The following MTFR1 variants were observed in gnomAD, a reference collection of about 807,000 sequenced individuals.
The protein encoded by MTFR1 is chondrocyte protein with a poly-proline region.
A neutral mutation model predicts 38.8 loss-of-function variants in MTFR1; 28 were observed. The ratio of observed to expected loss-of-function variants is 0.72; its 90% CI spans 0.53 to 0.99. The LOEUF is 0.99. MTFR1 is among the 50% of genes least tolerant of loss of function. MTFR1 has a pLI of 0.00. For synonymous variants in MTFR1, 145 were observed against 137.0 expected (o/e 1.06, Z -0.41); for missense variants, 358 against 395.5 (o/e 0.91, Z 0.81).
chr8:65,737,079 G>A (rs1015791843), intron 3 of MTFR1, among the ~76,000 whole-genome samples: 1 of 151,864 alleles, frequency 6.6e-6, no homozygotes, highest in African/African-American at 2.4e-5. Context: ...CTGCATTCCA[G>A]CCTTAGCAAT....
chr8:65,708,876 A>AG, intron 7 of MTFR1, 100 bp from the exon 8 acceptor site: 1 of 1,187,064 alleles, frequency 8.4e-7, no homozygotes, highest in South Asian at 1.3e-5. Flanking sequence ...TTTTTCATGC[A>AG]GAACATACCC....
intron 7 of MTFR1, 72 bp from the exon 8 acceptor site, chr8:65,708,904 T>C (rs1270919927): frequency 1.1e-5 from 15 of 1,427,428 alleles, no homozygotes; most frequent in Non-Finnish European, 1.4e-5. Flanking sequence ...TAATCCATGA[T>C]TGGGAGGTGG....
chr8:65,747,505 T>C, intron 3 of MTFR1: 1 of 463,460 alleles, frequency 2.2e-6, no homozygotes. Flanking sequence ...AACAAACAGC[T>C]GCTCTAAAGA....
intron 3 of MTFR1, among the ~76,000 whole-genome samples, chr8:65,737,858 CTTATT>C (rs1405204699): frequency 3.9e-5 from 6 of 152,148 alleles, no homozygotes; most frequent in Admixed American, 6.5e-5. Flanking sequence ...AACATCTTAA[CTTATT>C]TTATAGTTCC....
At chr8:65,723,598 A>T (rs765514694) in intron 3 of MTFR1, 1 of 1,576,722 alleles carries the variant, frequency 6.3e-7, no homozygotes, top group Non-Finnish European at 8.6e-7. Context: ...CTCACACCCA[A>T]ATGATATTTT....
At chr8:65,731,824 A>G (rs953419789) in intron 3 of MTFR1, among the ~76,000 whole-genome samples, 4 of 152,168 alleles carry the variant, frequency 2.6e-5, no homozygotes, top group Admixed American at 1.3e-4. Flanking sequence ...CACAAAATAT[A>G]TATACTTAAG....
At chr8:65,702,606 T>G (rs1301251382) in intron 4 of MTFR1, among the ~76,000 whole-genome samples, 2 of 152,222 alleles carry the variant, frequency 1.3e-5, no homozygotes, top group African/African-American at 2.4e-5. Flanking sequence ...TACCAGTTTT[T>G]TTTCCCTGGA....
intron 3 of MTFR1, among the ~76,000 whole-genome samples, chr8:65,723,792 A>G (rs1806493654): frequency 6.6e-6 from 1 of 152,192 alleles, no homozygotes; most frequent in South Asian, 2.1e-4. Context: ...TACACATAGA[A>G]GAGATTGCCA....
downstream of MTFR1, among the ~76,000 whole-genome samples, chr8:65,775,935 T>C (rs372573891): frequency 2.2e-3 from 338 of 152,288 alleles, 1 homozygote; most frequent in South Asian, 7.7e-3. Context: ...GCCTCTTCCC[T>C]TTTCTTTGTA....
intron 4 of MTFR1, among the ~76,000 whole-genome samples, chr8:65,696,466 T>C (rs879305441): frequency 6.6e-6 from 1 of 152,148 alleles, no homozygotes; most frequent in Non-Finnish European, 1.5e-5. Flanking sequence ...CAGCAGGGTA[T>C]TGATGTTGAT....
At chr8:65,730,415 G>A (rs979965448) in intron 3 of MTFR1, among the ~76,000 whole-genome samples, 3 of 151,202 alleles carry the variant, frequency 2.0e-5, no homozygotes, top group Non-Finnish European at 4.4e-5. Flanking sequence ...CCCAACCTCA[G>A]GTGATCCACC....
At chr8:65,676,550 G>C (rs1804712428) in intron 2 of MTFR1, among the ~76,000 whole-genome samples, 1 of 152,058 alleles carries the variant, frequency 6.6e-6, no homozygotes, top group South Asian at 2.1e-4. Context: ...TTTTAGTAAA[G>C]ACAGGGTTTC....
chr8:65,702,150 C>T (rs1156798199), intron 4 of MTFR1, among the ~76,000 whole-genome samples: 2 of 152,170 alleles, frequency 1.3e-5, no homozygotes, highest in Admixed American at 6.5e-5. Flanking sequence ...TAGCCTACAA[C>T]ACTCCTGCCT....
At chr8:65,716,230 A>G (rs141116261) in intron 2 of MTFR1, among the ~76,000 whole-genome samples, 1 of 152,108 alleles carries the variant, frequency 6.6e-6, no homozygotes, top group African/African-American at 2.4e-5. Context: ...GGTTTATTAT[A>G]TGTGTAGGCA....
At chr8:65,754,737 C>T (rs947679567) in intron 3 of MTFR1, among the ~76,000 whole-genome samples, 1 of 150,276 alleles carries the variant, frequency 6.7e-6, no homozygotes, top group Non-Finnish European at 1.5e-5. Context: ...GAGGCTGAGG[C>T]GAGTGGATCA....
At chr8:65,723,567 G>A in intron 3 of MTFR1, 11 of 1,583,048 alleles carry the variant, frequency 6.9e-6, no homozygotes, top group African/African-American at 1.4e-5. Context: ...AATAGATTCA[G>A]TGTGACGATC....
downstream of MTFR1, among the ~76,000 whole-genome samples, chr8:65,773,944 T>C (rs781407027): frequency 5.3e-5 from 8 of 152,226 alleles, no homozygotes; most frequent in Non-Finnish European, 8.8e-5. Context: ...TTTATACAAA[T>C]ATCAATATTT....
chr8:65,723,458 A>G lies in MTFR1; in HGVS notation c.*48+3977A>G, dbSNP rs74800542. On this transcript the variant is annotated intron_variant, in intron 3 of 3. Coordinates refer to the MTFR1 transcript ENST00000521247. The stretch of plus-strand genomic sequence containing the variant: ...AAATAGAAATGAGCATAATTTTAAT[A>G]TTTTATATTTCAAATATATTTCCCT... The G allele has an allele frequency of 8.8e-3, 10,750 of 1,224,856 alleles. 67 individuals are homozygous for G. Among genetic ancestry groups the G allele is most frequent in the Middle Eastern group, 0.021 (72 of 3,486 alleles). The allele number at this position is 1,224,856 out of a possible 1,614,324, so 75.9% of individuals were successfully genotyped here. A position where few individuals can be genotyped will look rare whatever the true frequency, so the allele number is the denominator to read the frequency against.
chr8:65,660,670 C>T (rs1809387875), intron 1 of MTFR1, among the ~76,000 whole-genome samples: 1 of 152,174 alleles, frequency 6.6e-6, no homozygotes, highest in South Asian at 2.1e-4. Context: ...GAGCCAATCC[C>T]TCATAATAAA....
Sources: allele counts gnomAD v4.1 joint callset (sites outside exome capture counted in the v4.1 genomes callset), GRCh38; gene constraint gnomAD v4.1.1; transcripts MANE v1.5; gene names NCBI Gene and HGNC (gene_info 2026-07-23, HGNC 2026-07-21).